Variants in PCNA observed in about 807,000 individuals in gnomAD.
PCNA encodes the protein proliferating cell nuclear antigen, also known as DNA sliding clamp PCNA.
Under a neutral mutation model 27.8 loss-of-function variants are expected in PCNA, and 4 were observed. The observed-to-expected ratio is 0.14, with a 90% CI of 0.07 to 0.33. PCNA has a LOEUF of 0.33. PCNA is among the 10% of genes least tolerant of loss of function. PCNA has a pLI of 1.00. For synonymous variants in PCNA, 121 were observed against 119.4 expected (o/e 1.01, Z -0.09); for missense variants, 165 against 327.4 (o/e 0.50, Z 3.83).
At chr20:5,122,553 A>G (rs975350210), upstream of PCNA, among the ~76,000 whole-genome samples, 6 of 152,148 alleles carry the variant, frequency 3.9e-5, no homozygotes, top group East Asian at 7.7e-4. Flanking sequence ...TGATGTTGGC[A>G]CTTTCTTGCT....
intron 1 of PCNA, among the ~76,000 whole-genome samples, chr20:5,125,348 A>G (rs902633242): frequency 1.3e-5 from 2 of 151,800 alleles, no homozygotes; most frequent in Non-Finnish European, 2.9e-5. Flanking sequence ...TTAGCCAGGC[A>G]TGGTAGCTCA....
chr20:5,115,638 A>G, intron 4 of PCNA, 66 bp from the exon 5 acceptor site: 1 of 1,411,396 alleles, frequency 7.1e-7, no homozygotes, highest in South Asian at 1.2e-5. Flanking sequence ...CTCATTATAT[A>G]TTTATAAAAA....
At chr20:5,121,475 T>C, upstream of PCNA, 1 of 156,922 alleles carries the variant, frequency 6.4e-6, no homozygotes, top group Non-Finnish European at 1.4e-5. Context: ...CTGGATTTTG[T>C]GGAGACTTAA....
At chr20:5,116,493 G>A (rs1349921756) in intron 4 of PCNA, among the ~76,000 whole-genome samples, 4 of 152,018 alleles carry the variant, frequency 2.6e-5, no homozygotes, top group Admixed American at 2.0e-4. Context: ...CCCATTCAAG[G>A]GACAAGAGAG....
At chr20:5,121,862 A>G (rs943662264), upstream of PCNA, among the ~76,000 whole-genome samples, 3 of 152,084 alleles carry the variant, frequency 2.0e-5, no homozygotes, top group Admixed American at 2.0e-4. Flanking sequence ...CCTGGGCTCA[A>G]GCAATCTTCC....
chr20:5,121,844 C>A (rs2090520190), upstream of PCNA, among the ~76,000 whole-genome samples: 1 of 152,070 alleles, frequency 6.6e-6, no homozygotes, highest in Admixed American at 6.6e-5. Context: ...TCTGGCTGGT[C>A]TCCAACTCCT....
intron 1 of PCNA, 97 bp from the exon 2 acceptor site, chr20:5,118,963 G>T: frequency 1.3e-6 from 1 of 774,176 alleles, no homozygotes; most frequent in Non-Finnish European, 2.2e-6. Context: ...TCACCCATCA[G>T]GCCGTCTCAG....
At chr20:5,122,768 C>T (rs1174552177), upstream of PCNA, among the ~76,000 whole-genome samples, 1 of 152,212 alleles carries the variant, frequency 6.6e-6, no homozygotes, top group African/African-American at 2.4e-5. Context: ...TCAGTTCTGT[C>T]TGCTTACATA....
chr20:5,123,306 A>G (rs1158139852), upstream of PCNA, among the ~76,000 whole-genome samples: 2 of 152,216 alleles, frequency 1.3e-5, no homozygotes, highest in Non-Finnish European at 2.9e-5. Context: ...TGGCTACTCT[A>G]ACATCTAGTA....
At chr20:5,125,144 G>C (rs956212999) in intron 1 of PCNA, among the ~76,000 whole-genome samples, 6 of 152,158 alleles carry the variant, frequency 3.9e-5, no homozygotes, top group African/African-American at 9.7e-5. Context: ...TTTAAGACCA[G>C]CCTAAGCAAT....
At chr20:5,116,583 C>A (rs902230324) in intron 4 of PCNA, among the ~76,000 whole-genome samples, 4 of 152,146 alleles carry the variant, frequency 2.6e-5, no homozygotes, top group Non-Finnish European at 5.9e-5. Flanking sequence ...CGTATTTAAT[C>A]CTAACAAGGT....
At chr20:5,117,691 GTTAA>G (rs1411241721) in intron 3 of PCNA, 27 bp from the exon 4 acceptor site, 2 of 1,437,064 alleles carry the variant, frequency 1.4e-6, no homozygotes, top group Admixed American at 2.2e-5. Flanking sequence ...TTTTCCAAAA[GTTAA>G]TTGTTAGAAA....
chr20:5,125,675 A>G (rs1453530559), intron 1 of PCNA, among the ~76,000 whole-genome samples: 2 of 152,220 alleles, frequency 1.3e-5, no homozygotes, highest in African/African-American at 2.4e-5. Context: ...GCAATGCTGG[A>G]GCAACACAAG....
intron 1 of PCNA, among the ~76,000 whole-genome samples, chr20:5,126,343 T>C (rs2122924635): frequency 6.6e-6 from 1 of 152,340 alleles, no homozygotes; most frequent in South Asian, 2.1e-4. Flanking sequence ...CAGTGCCTAG[T>C]ATACAATTAG....
chr20:5,121,103 G>A (rs1700177427), upstream of PCNA, among the ~76,000 whole-genome samples: 1 of 152,138 alleles, frequency 6.6e-6, no homozygotes, highest in African/African-American at 2.4e-5. Flanking sequence ...GATTACAGGC[G>A]TGAGCCACCA....
rs2090503412 is a variant in PCNA, at chr20:5,119,641, C to T, written c.158G>A (p.Arg53Gln). 2 of 1,613,762 alleles carry T rather than the reference C, an allele frequency of 1.2e-6. No individual in the cohort carries two copies. Among genetic ancestry groups the T allele is most frequent in the Non-Finnish European group, 1.7e-6 (2 of 1,179,904 alleles). Residue 53 changes from arginine (R) to glutamine (Q), a missense_variant, in exon 1 of 6, where the codon CGG becomes CAG. Transcript: ENST00000379143. ...GCGGTAGGTGTCGAAGCCCTCAGAC[C>T]GCAGGGTGAGCTGCACCAAAGAGAC... ...SHVSLVQLTL[R>Q]SEGFDTYRCD...
chr20:5,117,731 C>G, intron 3 of PCNA, 67 bp from the exon 4 acceptor site: 1 of 937,608 alleles, frequency 1.1e-6, no homozygotes. Context: ...CCCTCACTTT[C>G]TTAAAAGGCA....
intron 4 of PCNA, among the ~76,000 whole-genome samples, chr20:5,117,146 A>G (rs1233103505): frequency 6.6e-6 from 1 of 152,160 alleles, no homozygotes; most frequent in Non-Finnish European, 1.5e-5. Flanking sequence ...CCTATGCTCA[A>G]TTATTTGGTA....
At chr20:5,119,974 A>G (rs1346257733), upstream of PCNA, 9 of 609,220 alleles carry the variant, frequency 1.5e-5, no homozygotes, top group African/African-American at 1.5e-4. Flanking sequence ...CGCGTCCGCA[A>G]GCGCGCGCTC....
Sources: gnomAD v4.1 joint callset for allele counts (sites outside exome capture counted in the v4.1 genomes callset) on GRCh38, gnomAD v4.1.1 for gene constraint, MANE v1.5 for transcripts, NCBI Gene and HGNC (gene_info 2026-07-23, HGNC 2026-07-21) for gene names.